DENND5B: variants seen among roughly 807,000 people sequenced by gnomAD.
DENND5B encodes the protein DENN domain-containing protein 5B.
In DENND5B, 34 loss-of-function variants were observed where a neutral mutation model predicts 140.6. That is an observed-to-expected ratio of 0.24 (90% CI 0.18 to 0.32). The LOEUF is 0.32. Among genes scored for constraint, DENND5B ranks in the 10% least tolerant of loss-of-function variants. The pLI, the probability that DENND5B is intolerant of heterozygous loss-of-function variation, is 1.00. For missense variants in DENND5B, 1,142 were observed against 1,560.2 expected (o/e 0.73, Z 4.52); for synonymous variants, 551 against 562.1 (o/e 0.98, Z 0.28).
intron 1 of DENND5B, among the ~76,000 whole-genome samples, chr12:31,581,586 G>A (rs148445139): frequency 0.011 from 1,745 of 151,744 alleles, 23 homozygotes; most frequent in African/African-American, 0.04. Context: ...CCAGCTATTC[G>A]GGAAGCTGAG....
At chr12:31,542,058 C>T (rs761035443) in intron 1 of DENND5B, among the ~76,000 whole-genome samples, 11 of 152,082 alleles carry the variant, frequency 7.2e-5, no homozygotes, top group South Asian at 4.2e-4. Context: ...GAGGCCAAAA[C>T]GGGCAGATCA....
intron 1 of DENND5B, among the ~76,000 whole-genome samples, chr12:31,508,130 A>C (rs1326157002): frequency 6.6e-6 from 1 of 152,160 alleles, no homozygotes; most frequent in African/African-American, 2.4e-5. Flanking sequence ...AACATTAAAA[A>C]ACTTAGGGCT....
intron 7 of DENND5B, among the ~76,000 whole-genome samples, chr12:31,433,934 G>A (rs372764820): frequency 7.9e-5 from 12 of 152,278 alleles, no homozygotes; most frequent in African/African-American, 2.9e-4. Flanking sequence ...GTTTGGGGCC[G>A]CAGTGTGCCA....
At chr12:31,402,744 C>T in intron 14 of DENND5B, 101 bp from the exon 15 acceptor site, 2 of 1,391,052 alleles carry the variant, frequency 1.4e-6, no homozygotes, top group Non-Finnish European at 1.9e-6. Flanking sequence ...TGATAATTTG[C>T]TTTTTATGAG....
chr12:31,549,746 T>A (rs1948978750), intron 1 of DENND5B, among the ~76,000 whole-genome samples: 1 of 152,134 alleles, frequency 6.6e-6, no homozygotes, highest in Admixed American at 6.6e-5. Flanking sequence ...CCCCTCCCTG[T>A]GTCCATGTGT....
intron 1 of DENND5B, chr12:31,500,604 C>T (rs1452408498): frequency 1.9e-5 from 5 of 267,168 alleles, no homozygotes; most frequent in Non-Finnish European, 2.9e-5. Context: ...TACTGGAACC[C>T]AAGAGGTGGA....
At chr12:31,478,710 G>C (rs866889484) in intron 3 of DENND5B, among the ~76,000 whole-genome samples, 1 of 139,210 alleles carries the variant, frequency 7.2e-6, no homozygotes, top group South Asian at 2.4e-4. Flanking sequence ...AAAAAAAAAA[G>C]TGAATCCAAA....
chr12:31,579,642 A>G (rs1950144424), intron 1 of DENND5B, among the ~76,000 whole-genome samples: 1 of 149,140 alleles, frequency 6.7e-6, no homozygotes, highest in East Asian at 2.0e-4. Context: ...GCCTGGGTTT[A>G]TTTATTTATT....
chr12:31,446,429 G>A (rs1356308177), intron 6 of DENND5B, among the ~76,000 whole-genome samples: 1 of 152,192 alleles, frequency 6.6e-6, no homozygotes, highest in Non-Finnish European at 1.5e-5. Flanking sequence ...GATTAAAAGT[G>A]TGAACCATCA....
intron 14 of DENND5B, among the ~76,000 whole-genome samples, chr12:31,404,194 C>T (rs575686037): frequency 6.6e-6 from 1 of 152,282 alleles, no homozygotes; most frequent in South Asian, 2.1e-4. Context: ...CACTGCACTC[C>T]AGCCTGGGCA....
At chr12:31,416,324 C>T (rs1942737833) in intron 11 of DENND5B, among the ~76,000 whole-genome samples, 1 of 151,876 alleles carries the variant, frequency 6.6e-6, no homozygotes, top group African/African-American at 2.4e-5. Context: ...AGTGCAGTGG[C>T]GTGATCTTGG....
intron 11 of DENND5B, among the ~76,000 whole-genome samples, chr12:31,417,149 G>A (rs1593110512): frequency 6.6e-6 from 1 of 150,600 alleles, no homozygotes; most frequent in African/African-American, 2.4e-5. Context: ...GAGGTCAGGA[G>A]ATCGAGACCA....
chr12:31,542,764 T>G (rs1455460081), intron 1 of DENND5B, among the ~76,000 whole-genome samples: 2 of 152,098 alleles, frequency 1.3e-5, no homozygotes, highest in East Asian at 1.9e-4. Context: ...GAGACCAGCA[T>G]GAGCAACATA....
chr12:31,435,960 G>A (rs1452569069), intron 7 of DENND5B, among the ~76,000 whole-genome samples: 1 of 151,350 alleles, frequency 6.6e-6, no homozygotes, highest in Non-Finnish European at 1.5e-5. Flanking sequence ...CCAATGCTCA[G>A]CTAATTTTTG....
chr12:31,566,601 T>G (rs1405969606), intron 1 of DENND5B, among the ~76,000 whole-genome samples: 1 of 152,118 alleles, frequency 6.6e-6, no homozygotes, highest in South Asian at 2.1e-4. Context: ...GGACCAGGTA[T>G]CTACAATAAT....
intron 1 of DENND5B, among the ~76,000 whole-genome samples, chr12:31,543,590 G>GA (rs1464479601): frequency 1.5e-4 from 23 of 152,052 alleles, no homozygotes; most frequent in African/African-American, 5.1e-4. Context: ...CTCTTATAAC[G>GA]TTATGACAAT....
intron 1 of DENND5B, among the ~76,000 whole-genome samples, chr12:31,530,429 G>C (rs1948242725): frequency 6.6e-6 from 1 of 152,112 alleles, no homozygotes; most frequent in African/African-American, 2.4e-5. Flanking sequence ...TTTGTGAAAA[G>C]TGAAACACTG....
At chr12:31,422,509 G>C (rs1162263672) in intron 11 of DENND5B, among the ~76,000 whole-genome samples, 1 of 152,138 alleles carries the variant, frequency 6.6e-6, no homozygotes, top group Non-Finnish European at 1.5e-5. Flanking sequence ...GCTGAGGCAG[G>C]AGAATCACTT....
chr12:31,438,370 C>CT (rs1943873973), intron 7 of DENND5B, among the ~76,000 whole-genome samples: 1 of 152,108 alleles, frequency 6.6e-6, no homozygotes, highest in African/African-American at 2.4e-5. Context: ...ATTCATTATC[C>CT]TAAGAATACT....
Sources: allele counts gnomAD v4.1 joint callset (sites outside exome capture counted in the v4.1 genomes callset), GRCh38; gene constraint gnomAD v4.1.1; transcripts MANE v1.5; gene names NCBI Gene and HGNC (gene_info 2026-07-23, HGNC 2026-07-21).